RELN: variants seen among roughly 807,000 people sequenced by gnomAD.
RELN encodes reelin.
Under a neutral mutation model 427.6 loss-of-function variants are expected in RELN, and 108 were observed. The ratio of observed to expected loss-of-function variants is 0.25; its 90% CI spans 0.22 to 0.30. The LOEUF (loss-of-function observed/expected upper bound fraction) is 0.30. Ranked by LOEUF, RELN falls within the 10% of genes least tolerant of loss-of-function variation. The pLI is 1.00. For missense variants in RELN, 3,715 were observed against 4,302.8 expected (o/e 0.86, Z 3.82); for synonymous variants, 1,524 against 1,513.4 (o/e 1.01, Z -0.16).
intron 1 of RELN, among the ~76,000 whole-genome samples, chr7:103,938,979 G>A (rs1427332596): frequency 6.8e-6 from 1 of 146,636 alleles, no homozygotes; most frequent in East Asian, 2.0e-4. Flanking sequence ...TTTAATTCTT[G>A]TTGCCCAGGC....
At chr7:103,954,789 T>C (rs1019108290) in intron 1 of RELN, among the ~76,000 whole-genome samples, 10 of 152,290 alleles carry the variant, frequency 6.6e-5, no homozygotes, top group African/African-American at 2.2e-4. Context: ...ACAAAAATCA[T>C]GAGTTATTAA....
chr7:103,789,634 T>A (rs1275381740), intron 3 of RELN, among the ~76,000 whole-genome samples: 3 of 152,208 alleles, frequency 2.0e-5, no homozygotes, highest in East Asian at 3.8e-4. Flanking sequence ...CGCAATGAGA[T>A]ACCATCTCAC....
At position 103,472,072 on chromosome 7, in the gene RELN, G is replaced by T. The variant is rs899949606; in HGVS notation, c.*740C>A. On this transcript the variant is annotated 3_prime_UTR_variant, in exon 65 of 65. Coordinates refer to ENST00000428762, the MANE Select transcript of RELN (RefSeq NM_005045.4). ...ATCAGCCACAGAACACTTAAAAAAA[G>T]ATCTTTAGACAAGGAAATGGGAACT... The T allele has an allele frequency of 6.6e-6, 1 of 152,410 alleles. No individual in the cohort carries two copies. The highest frequency in any genetic ancestry group is 6.6e-5 in the Admixed American group (1 of 15,262). 9.4% of individuals were successfully genotyped at this position (152,410 alleles called of 1,614,324 possible).
intron 38 of RELN, among the ~76,000 whole-genome samples, chr7:103,555,164 T>C (rs889591774): frequency 1.3e-5 from 2 of 152,132 alleles, no homozygotes; most frequent in African/African-American, 2.4e-5. Flanking sequence ...GAGTAGATAA[T>C]AACGGCAAAA....
chr7:103,662,402 A>G (rs1346094977), intron 11 of RELN, among the ~76,000 whole-genome samples: 2 of 152,116 alleles, frequency 1.3e-5, no homozygotes, highest in African/African-American at 4.8e-5. Context: ...TGGGCGGATC[A>G]CGAGGTCAGG....
intron 1 of RELN, among the ~76,000 whole-genome samples, chr7:103,976,677 G>A (rs960734395): frequency 2.6e-5 from 4 of 152,184 alleles, no homozygotes; most frequent in Non-Finnish European, 4.4e-5. Flanking sequence ...GATACTGGGT[G>A]GGCAGTAAGA....
intron 51 of RELN, 34 bp downstream of exon 51, chr7:103,510,817 G>T: frequency 6.5e-7 from 1 of 1,545,398 alleles, no homozygotes; most frequent in Non-Finnish European, 8.9e-7. Flanking sequence ...GCTAATGTAT[G>T]GTTGTTTATA....
At chr7:103,557,927 A>G in intron 37 of RELN, 38 bp downstream of exon 37, 1 of 951,408 alleles carries the variant, frequency 1.1e-6, no homozygotes, top group Non-Finnish European at 1.7e-6. Context: ...TGCACAGGGG[A>G]GAATTCTCTT....
chr7:103,826,841 G>A (rs766028828), intron 3 of RELN, among the ~76,000 whole-genome samples: 9 of 152,034 alleles, frequency 5.9e-5, no homozygotes, highest in Non-Finnish European at 1.0e-4. Flanking sequence ...CAAGTAAGAA[G>A]TGCCAAGTAC....
chr7:103,723,555 G>A (rs1028272131), intron 7 of RELN, among the ~76,000 whole-genome samples: 2 of 152,092 alleles, frequency 1.3e-5, no homozygotes, highest in South Asian at 2.1e-4. Flanking sequence ...TCAATAGATC[G>A]GGGACCCAAA....
At chr7:103,520,992 C>T (rs1171518359) in intron 48 of RELN, among the ~76,000 whole-genome samples, 2 of 73,502 alleles carry the variant, frequency 2.7e-5, no homozygotes, top group Non-Finnish European at 4.7e-5. Context: ...TTTTTTGAGA[C>T]GGAGTCTCGC....
At chr7:103,622,131 C>T (rs1832234768) in intron 20 of RELN, among the ~76,000 whole-genome samples, 1 of 152,216 alleles carries the variant, frequency 6.6e-6, no homozygotes. Flanking sequence ...TTAATTTGTT[C>T]AGTGGTCTGT....
intron 3 of RELN, among the ~76,000 whole-genome samples, chr7:103,788,269 A>C (rs1792070401): frequency 6.6e-6 from 1 of 152,204 alleles, no homozygotes; most frequent in Non-Finnish European, 1.5e-5. Flanking sequence ...TTCCCTTTGA[A>C]AATCGGCACA....
At chr7:103,869,233 T>C (rs560407857) in intron 2 of RELN, among the ~76,000 whole-genome samples, 1 of 152,208 alleles carries the variant, frequency 6.6e-6, no homozygotes, top group South Asian at 2.1e-4. Flanking sequence ...TAAACAGGCA[T>C]CTTAAGCCCC....
rs362634 is a variant in RELN, at chr7:103,596,305, T to C, written c.3539+151A>G. ...TTTCTGTCCAGTCACTTAAGTGAAA[T>C]AAAATCTTTATATACTGGGCTATCA... is the stretch of plus-strand genomic sequence containing the variant. On this transcript the variant is annotated intron_variant, in intron 25 of 64. Transcript: ENST00000428762. 0.011 allele frequency: 7,974 copies of C among 701,358 alleles called. 459 individuals are homozygous for C. The African/African-American group carries it at 0.12, about 11-fold the overall frequency. The allele number at this position is 701,358 out of a possible 1,614,324, so 43.4% of individuals were successfully genotyped here.
At chr7:103,970,551 A>T (rs1796743200) in intron 1 of RELN, among the ~76,000 whole-genome samples, 1 of 152,002 alleles carries the variant, frequency 6.6e-6, no homozygotes, top group Non-Finnish European at 1.5e-5. Context: ...GATAGTGCTG[A>T]AAGGTTGTCT....
intron 6 of RELN, among the ~76,000 whole-genome samples, chr7:103,747,440 A>C (rs1049369788): frequency 1.3e-5 from 2 of 151,852 alleles, no homozygotes; most frequent in Admixed American, 1.3e-4. Context: ...AAATAAAAAG[A>C]ACGGTATTTG....
chr7:103,920,201 A>C (rs912676382), intron 1 of RELN, among the ~76,000 whole-genome samples: 2 of 152,224 alleles, frequency 1.3e-5, no homozygotes, highest in East Asian at 3.8e-4. Flanking sequence ...TTGTCACTTT[A>C]AAATGTTTCC....
intron 2 of RELN, among the ~76,000 whole-genome samples, chr7:103,869,137 T>C (rs1167827564): frequency 6.6e-6 from 1 of 152,072 alleles, no homozygotes; most frequent in Admixed American, 6.6e-5. Flanking sequence ...TTTTGTGAAG[T>C]GTAGGATGGG....
Sources: allele counts gnomAD v4.1 joint callset (sites outside exome capture counted in the v4.1 genomes callset), GRCh38; gene constraint gnomAD v4.1.1; transcripts MANE v1.5; gene names NCBI Gene and HGNC (gene_info 2026-07-23, HGNC 2026-07-21).